The following CADPS variants were observed in gnomAD, a reference collection of about 807,000 sequenced individuals.
CADPS encodes the protein calcium dependent secretion activator.
A neutral mutation model predicts 167.3 loss-of-function variants in CADPS; 57 were observed. The observed-to-expected ratio is 0.34, with a 90% CI of 0.28 to 0.42. CADPS has a LOEUF of 0.42. Ranked by LOEUF, CADPS falls within the 20% of genes least tolerant of loss-of-function variation. The pLI, the probability that CADPS is intolerant of heterozygous loss-of-function variation, is 1.00. For synonymous variants in CADPS, 676 were observed against 635.3 expected (o/e 1.06, Z -0.96); for missense variants, 1,414 against 1,738.1 (o/e 0.81, Z 3.32).
chr3:62,628,915 A>G (rs1489468538), intron 6 of CADPS, among the ~76,000 whole-genome samples: 1 of 151,896 alleles, frequency 6.6e-6, no homozygotes, highest in Non-Finnish European at 1.5e-5. Flanking sequence ...ATGAACCACC[A>G]CGCCTGGCCA....
chr3:62,821,132 C>T (rs766967358), intron 1 of CADPS, among the ~76,000 whole-genome samples: 1 of 152,096 alleles, frequency 6.6e-6, no homozygotes, highest in Admixed American at 6.6e-5. Flanking sequence ...TCTTGGAAAA[C>T]CACCCTCAGA....
intron 21 of CADPS, among the ~76,000 whole-genome samples, chr3:62,484,675 A>G (rs1024591038): frequency 4.6e-5 from 7 of 152,164 alleles, no homozygotes; most frequent in African/African-American, 1.7e-4. Flanking sequence ...AATGTCACAG[A>G]TGTGTGCACG....
chr3:62,473,396 G>C (rs2060862547), intron 24 of CADPS, among the ~76,000 whole-genome samples: 1 of 152,202 alleles, frequency 6.6e-6, no homozygotes, highest in South Asian at 2.1e-4. Flanking sequence ...AACATGTAAG[G>C]CTGGTATCGA....
In CADPS at chr3:62,616,869, G is replaced by T. The variant is rs540323139; in HGVS notation, c.1326-24121C>A. ...ATTATGCCCCAAATGTTAAAAGTTT[G>T]CATTAACTTAGACATGTTCTTTCTC... is the stretch of plus-strand genomic sequence containing the variant. On this transcript the variant is annotated intron_variant, in intron 6 of 29. Coordinates refer to ENST00000383710, the MANE Select transcript of CADPS (RefSeq NM_003716.4). Among the ~76,000 whole-genome samples the T allele has an allele frequency of 2.7e-4, 41 of 152,194 alleles. 1 individual carries two copies. The South Asian group carries it at 7.7e-3, about 28-fold the overall frequency.
intron 26 of CADPS, among the ~76,000 whole-genome samples, chr3:62,463,539 T>C (rs114562180): frequency 0.018 from 2,680 of 152,288 alleles, 89 homozygotes; most frequent in African/African-American, 0.061. Context: ...TCCCCACTCA[T>C]TTGCCCATCT....
chr3:62,750,353 CAAAAAAAAA>C lies in CADPS; in HGVS notation c.888+3079_888+3087del, dbSNP rs56069272. On this transcript the variant is annotated intron_variant, in intron 3 of 29. Transcript: ENST00000383710. The stretch of plus-strand genomic sequence containing the variant: ...GTGACAGAGTGAGACTCTTAAGCTC[CAAAAAAAAA>C]AAAAAAAAAAAAAAAAGGTGAATTT... Among the ~76,000 whole-genome samples the C allele has an allele frequency of 4.4e-3, 196 of 44,920 alleles. 1 individual carries two copies. The highest frequency in any genetic ancestry group is 0.016 in the African/African-American group (186 of 11,688). The allele number at this position is 44,920 out of a possible 152,430, so 29.5% of individuals were successfully genotyped here.
chr3:62,674,137 T>G (rs1311355331), intron 3 of CADPS, among the ~76,000 whole-genome samples: 1 of 152,174 alleles, frequency 6.6e-6, no homozygotes, highest in Non-Finnish European at 1.5e-5. Context: ...TGCATGCATG[T>G]GAGTGGTGTG....
rs543513629 is a variant in CADPS at position 62,605,668 on chromosome 3, C to T, written c.1326-12920G>A. On this transcript the variant is annotated intron_variant, in intron 6 of 29. Coordinates refer to ENST00000383710, the MANE Select transcript of CADPS (RefSeq NM_003716.4). ...TGAGTGATGCTGAACAGCTGACTCT[C>T]CTGCAGACTCTATTTTCTTACTTGT... Among the ~76,000 whole-genome samples the T allele has an allele frequency of 7.2e-5, 11 of 152,298 alleles. No homozygotes were observed. The South Asian group carries it at 1.2e-3, about 17-fold the overall frequency.
At chr3:62,686,286 A>G (rs1011795760) in intron 3 of CADPS, among the ~76,000 whole-genome samples, 1 of 152,052 alleles carries the variant, frequency 6.6e-6, no homozygotes, top group African/African-American at 2.4e-5. Flanking sequence ...GGCATAAAAT[A>G]TCTATGTCTT....
intron 13 of CADPS, chr3:62,530,875 G>A: frequency 1.1e-6 from 1 of 905,736 alleles, no homozygotes; most frequent in South Asian, 2.7e-5. Flanking sequence ...GGAGAATCAA[G>A]AGCACACGCA....
chr3:62,745,971 G>A (rs1564594284), intron 3 of CADPS, among the ~76,000 whole-genome samples: 1 of 152,124 alleles, frequency 6.6e-6, no homozygotes, highest in Non-Finnish European at 1.5e-5. Flanking sequence ...GTATAAACAG[G>A]GTATTGTTTC....
Position 62,635,268 on chromosome 3 carries a change from C to T in CADPS, c.1325+10454G>A, listed in dbSNP as rs71296782. On this transcript the variant is annotated intron_variant, in intron 6 of 29. Coordinates refer to ENST00000383710, the MANE Select transcript of CADPS (RefSeq NM_003716.4). ...CAGGGAGAAAAACAAGGTGACATCACATGGCAGGGCAGAACTGGGACAACA... is the reference window on the plus strand; with the variant it reads ...CAGGGAGAAAAACAAGGTGACATCATATGGCAGGGCAGAACTGGGACAACA... Among the ~76,000 whole-genome samples, 546 of 152,306 alleles carry T rather than the reference C, an allele frequency of 3.6e-3. 1 individual carries two copies. The highest frequency in any genetic ancestry group is 6.8e-3 in the Middle Eastern group (2 of 294).
intron 17 of CADPS, among the ~76,000 whole-genome samples, chr3:62,502,974 G>A (rs1158648716): frequency 6.6e-6 from 1 of 151,758 alleles, no homozygotes; most frequent in Non-Finnish European, 1.5e-5. Flanking sequence ...ATGGAGAGCT[G>A]CTGCTTTCTT....
chr3:62,426,162 TA>T (rs1331041569), intron 28 of CADPS, among the ~76,000 whole-genome samples: 1 of 152,192 alleles, frequency 6.6e-6, no homozygotes, highest in Non-Finnish European at 1.5e-5. Context: ...TTTATTTATT[TA>T]TTTTTTTAGA....
chr3:62,667,609 C>T lies in CADPS; in HGVS notation c.889-5215G>A, dbSNP rs199863771. ...TGATCAAATAAAGTCTGGAAACTCA[C>T]TCTATCCCATTTCTGGAGACACACA... On this transcript the variant is annotated intron_variant, in intron 3 of 29. Transcript: ENST00000383710. Among the ~76,000 whole-genome samples the T allele has an allele frequency of 3.4e-4, 52 of 152,232 alleles. No homozygotes were observed. In the East Asian group the frequency reaches 9.5e-3, roughly 28 times the overall value.
intron 3 of CADPS, among the ~76,000 whole-genome samples, chr3:62,706,344 G>A (rs34482738): frequency 0.079 from 12,085 of 152,108 alleles, 634 homozygotes; most frequent in Non-Finnish European, 0.12. Flanking sequence ...GTCCCTATTA[G>A]CTTGCAATTA....
At chr3:62,666,886 C>G (rs552841965) in intron 3 of CADPS, among the ~76,000 whole-genome samples, 41 of 152,170 alleles carry the variant, frequency 2.7e-4, no homozygotes, top group Non-Finnish European at 4.9e-4. Flanking sequence ...TGCACCCTTG[C>G]AACCTTGTCA....
intron 3 of CADPS, among the ~76,000 whole-genome samples, chr3:62,745,841 T>C (rs981753604): frequency 6.6e-6 from 1 of 152,260 alleles, no homozygotes; most frequent in Admixed American, 6.5e-5. Flanking sequence ...TTGTGCTAAG[T>C]GTTGGCTGTA....
chr3:62,419,633 G>A (rs1002394887), intron 28 of CADPS, among the ~76,000 whole-genome samples: 26 of 152,092 alleles, frequency 1.7e-4, no homozygotes, highest in Non-Finnish European at 3.4e-4. Context: ...AGGATTCAGC[G>A]TATGAACTGA....
Sources: gnomAD v4.1 joint callset for allele counts (sites outside exome capture counted in the v4.1 genomes callset) on GRCh38, gnomAD v4.1.1 for gene constraint, MANE v1.5 for transcripts, NCBI Gene and HGNC (gene_info 2026-07-23, HGNC 2026-07-21) for gene names.